MCCC1: variants seen among roughly 807,000 people sequenced by gnomAD.
MCCC1 encodes methylcrotonyl-CoA carboxylase subunit 1.
MCCC1 carries 64 observed loss-of-function variants against 83.8 expected under a neutral mutation model. The ratio of observed to expected loss-of-function variants is 0.76; its 90% CI spans 0.62 to 0.94. The LOEUF (loss-of-function observed/expected upper bound fraction) is 0.94, where lower values mean the gene tolerates loss of function less well. Ranked by LOEUF, MCCC1 falls within the 40% of genes least tolerant of loss-of-function variation. The probability of loss-of-function intolerance (pLI) is 0.00; values close to 1 mark genes in which losing one functional copy is unlikely to be tolerated. For missense variants in MCCC1, 807 were observed against 904.7 expected (o/e 0.89, Z 1.39); for synonymous variants, 322 against 315.4 (o/e 1.02, Z -0.22).
At chr3:183,026,579 A>T (rs1355989806) in intron 14 of MCCC1, among the ~76,000 whole-genome samples, 1 of 152,050 alleles carries the variant, frequency 6.6e-6, no homozygotes, top group Admixed American at 6.5e-5. Flanking sequence ...GCATGGCGGC[A>T]CGTGCCTGTA....
chr3:183,103,468 G>A (rs891013822), upstream of MCCC1, among the ~76,000 whole-genome samples: 23 of 151,982 alleles, frequency 1.5e-4, no homozygotes, highest in Admixed American at 6.5e-5. Flanking sequence ...GTGGAGATTA[G>A]CCTAGATTAG....
intron 1 of MCCC1, among the ~76,000 whole-genome samples, chr3:183,098,308 G>A (rs1718892255): frequency 6.6e-6 from 1 of 152,174 alleles, no homozygotes; most frequent in Admixed American, 6.5e-5. Context: ...AATATTTCTG[G>A]AAAATAAAAG....
chr3:183,034,345 G>A (rs1261385706), intron 13 of MCCC1, among the ~76,000 whole-genome samples: 1 of 151,758 alleles, frequency 6.6e-6, no homozygotes, highest in South Asian at 2.1e-4. Context: ...CAGCTACTCT[G>A]GAGGCTGAGG....
chr3:183,100,792 G>A (rs1478433444), upstream of MCCC1, among the ~76,000 whole-genome samples: 3 of 152,252 alleles, frequency 2.0e-5, no homozygotes, highest in Non-Finnish European at 2.9e-5. Flanking sequence ...CTCCCACTTT[G>A]GTGGCATTTG....
intron 10 of MCCC1, among the ~76,000 whole-genome samples, chr3:183,042,233 A>T (rs1163471651): frequency 6.6e-6 from 1 of 152,216 alleles, no homozygotes; most frequent in Non-Finnish European, 1.5e-5. Flanking sequence ...GTGGGTGATA[A>T]AGCAAAACAG....
chr3:183,079,360 T>A (rs549956307), intron 4 of MCCC1, among the ~76,000 whole-genome samples: 48 of 152,206 alleles, frequency 3.2e-4, no homozygotes, highest in African/African-American at 1.0e-3. Context: ...AGCCTCCAAA[T>A]GGAAGATATT....
intron 8 of MCCC1, among the ~76,000 whole-genome samples, chr3:183,054,632 TA>T (rs1407109269): frequency 6.6e-6 from 1 of 152,216 alleles, no homozygotes; most frequent in Non-Finnish European, 1.5e-5. Context: ...TAAATAAAAA[TA>T]TTTTTTATAA....
upstream of MCCC1, chr3:183,116,163 T>C (rs970695236): frequency 2.9e-5 from 5 of 170,998 alleles, no homozygotes; most frequent in South Asian, 3.1e-4. Flanking sequence ...GTGATCTATA[T>C]GCTGCACCTG....
At chr3:183,092,376 CG>C in intron 3 of MCCC1, 32 bp downstream of exon 3, 1 of 1,613,666 alleles carries the variant, frequency 6.2e-7, no homozygotes, top group East Asian at 2.2e-5. Context: ...AACGAATAAA[CG>C]TAAGACGTGG....
chr3:183,076,239 C>G (rs1462474122), intron 4 of MCCC1, among the ~76,000 whole-genome samples: 1 of 152,130 alleles, frequency 6.6e-6, no homozygotes, highest in African/African-American at 2.4e-5. Context: ...CTTGTTGTCT[C>G]TATAGTTTTG....
rs758399842 is a variant in MCCC1 at position 183,015,316 on chromosome 3, G to A, written c.*122C>T. The A allele has an allele frequency of 2.0e-6, 2 of 982,744 alleles. No individual in the cohort carries two copies. The highest frequency in any genetic ancestry group is 3.2e-5 in the African/African-American group (2 of 62,686). 60.9% of individuals were successfully genotyped at this position (982,744 alleles called of 1,614,324 possible). On this transcript the variant is annotated 3_prime_UTR_variant, in exon 19 of 19. Coordinates refer to ENST00000265594, the MANE Select transcript of MCCC1 (RefSeq NM_020166.5). ...GATTCTCCAATATGAAAGGTGTTCA[G>A]CATAAGCATACAATCATTTAGTAAA...
At chr3:183,039,533 G>T (rs1713896789) in intron 11 of MCCC1, among the ~76,000 whole-genome samples, 1 of 152,146 alleles carries the variant, frequency 6.6e-6, no homozygotes, top group South Asian at 2.1e-4. Flanking sequence ...AGTCAAGCAA[G>T]TTTAATAATT....
chr3:183,017,564 T>C, intron 17 of MCCC1: 2 of 541,008 alleles, frequency 3.7e-6, no homozygotes, highest in South Asian at 2.1e-5. Context: ...GTAGAGCCCA[T>C]GTGGTTGTGC....
In MCCC1 at chr3:183,092,402, C is replaced by A; in HGVS notation, c.273+7G>T. ...GTAAGACGTGGCTTCCAATTTTTAACACATACCATATCTACATGCATGGAA... is the reference window on the plus strand; with the variant it reads ...GTAAGACGTGGCTTCCAATTTTTAAAACATACCATATCTACATGCATGGAA... On this transcript the variant is annotated splice_region_variant and intron_variant, in intron 3 of 18. Coordinates refer to ENST00000265594, the MANE Select transcript of MCCC1 (RefSeq NM_020166.5). 1 of 1,614,200 alleles carries A rather than the reference C, an allele frequency of 6.2e-7. No homozygotes were observed. Among genetic ancestry groups the A allele is most frequent in the Non-Finnish European group, 8.5e-7 (1 of 1,180,040 alleles).
intron 8 of MCCC1, 124 bp downstream of exon 8, chr3:183,057,187 G>C: frequency 1.3e-6 from 1 of 791,018 alleles, no homozygotes; most frequent in South Asian, 1.5e-5. Context: ...ACTGCTATTA[G>C]GCAACAGTTG....
intron 3 of MCCC1, among the ~76,000 whole-genome samples, chr3:183,088,834 T>G (rs149828784): frequency 7.7e-4 from 117 of 152,360 alleles, no homozygotes; most frequent in Admixed American, 2.1e-3. Context: ...TATACCTCAT[T>G]TTGTATAACA....
intron 14 of MCCC1, among the ~76,000 whole-genome samples, chr3:183,029,910 A>G (rs750772362): frequency 6.6e-6 from 1 of 151,944 alleles, no homozygotes; most frequent in Non-Finnish European, 1.5e-5. Context: ...CCCCATTCCA[A>G]ATACTTGGCC....
chr3:183,080,069 G>A (rs921520875), intron 4 of MCCC1, among the ~76,000 whole-genome samples: 1 of 152,214 alleles, frequency 6.6e-6, no homozygotes, highest in Non-Finnish European at 1.5e-5. Flanking sequence ...GGCCTGTGAT[G>A]GGAGGGGCTG....
At chr3:183,090,547 T>C (rs1298526667) in intron 3 of MCCC1, among the ~76,000 whole-genome samples, 2 of 152,190 alleles carry the variant, frequency 1.3e-5, no homozygotes, top group Non-Finnish European at 1.5e-5. Context: ...TATTTTTTCA[T>C]GGTAAGACAT....
Sources: gnomAD v4.1 joint callset for allele counts (sites outside exome capture counted in the v4.1 genomes callset) on GRCh38, gnomAD v4.1.1 for gene constraint, MANE v1.5 for transcripts, NCBI Gene and HGNC (gene_info 2026-07-23, HGNC 2026-07-21) for gene names.